FHIT: variants seen among roughly 807,000 people sequenced by gnomAD.
FHIT encodes bis(5'-adenosyl)-triphosphatase.
A neutral mutation model predicts 17.9 loss-of-function variants in FHIT; 19 were observed. That is an observed-to-expected ratio of 1.06 (90% CI 0.74 to 1.56). FHIT has a LOEUF of 1.56. Ranked by LOEUF, FHIT falls within the 40% of genes most tolerant of loss-of-function variation. FHIT has a pLI of 0.00. For synonymous variants in FHIT, 81 were observed against 69.7 expected (o/e 1.16, Z -0.81); for missense variants, 248 against 189.2 (o/e 1.31, Z -1.82).
intron 2 of FHIT, among the ~76,000 whole-genome samples, chr3:61,093,256 A>G (rs2035541267): frequency 1.3e-5 from 2 of 152,324 alleles, no homozygotes; most frequent in South Asian, 4.1e-4. Context: ...AGAGAGAGAG[A>G]GAGAGACTGA....
At chr3:60,365,819 C>T (rs1700084451) in intron 5 of FHIT, among the ~76,000 whole-genome samples, 1 of 152,138 alleles carries the variant, frequency 6.6e-6, no homozygotes, top group Non-Finnish European at 1.5e-5. Context: ...AGTTAGCTCT[C>T]AATTGATTTC....
At chr3:60,386,010 G>A (rs1404343657) in intron 5 of FHIT, among the ~76,000 whole-genome samples, 1 of 152,164 alleles carries the variant, frequency 6.6e-6, no homozygotes, top group Non-Finnish European at 1.5e-5. Flanking sequence ...TGTAGCAGGT[G>A]CTTCTGAGTG....
rs978722696 is a variant in FHIT, at chr3:59,790,005, C to T, written c.349-37684G>A. On this transcript the variant is annotated intron_variant, in intron 8 of 9. Coordinates refer to ENST00000492590, the MANE Select transcript of FHIT (RefSeq NM_002012.4). ...TAAATGCCACTTCATCACAGCAGTG[C>T]CATTTGCAGTTGTAGTCTCATCTCT... Among the ~76,000 whole-genome samples, 6 of 152,186 alleles carry T rather than the reference C, an allele frequency of 3.9e-5. No individual in the cohort carries two copies. The East Asian group carries it at 9.6e-4, about 24-fold the overall frequency.
chr3:60,645,974 C>T lies in FHIT; in HGVS notation c.-17-108995G>A, dbSNP rs575535336. Among the ~76,000 whole-genome samples, 204 of 152,280 alleles carry T rather than the reference C, an allele frequency of 1.3e-3. 1 individual carries two copies. Among genetic ancestry groups the T allele is most frequent in the African/African-American group, 4.6e-3 (192 of 41,544 alleles). On this transcript the variant is annotated intron_variant, in intron 4 of 9. Transcript: ENST00000492590. Reference sequence around the variant, plus strand: ...ATGTGGACTTAAAATAGTCTTCCAACGCATTCCTCACACATGAAATTACTC... The same window carrying T: ...ATGTGGACTTAAAATAGTCTTCCAATGCATTCCTCACACATGAAATTACTC...
intron 5 of FHIT, among the ~76,000 whole-genome samples, chr3:60,270,394 G>T (rs887682081): frequency 1.3e-5 from 2 of 152,088 alleles, no homozygotes; most frequent in Non-Finnish European, 2.9e-5. Context: ...CAGTGACATG[G>T]TTCTACCTTT....
intron 3 of FHIT, among the ~76,000 whole-genome samples, chr3:60,898,810 T>C (rs993495213): frequency 6.6e-6 from 1 of 152,178 alleles, no homozygotes; most frequent in Non-Finnish European, 1.5e-5. Flanking sequence ...ATGCATAGGA[T>C]AGATCCCATA....
chr3:60,957,990 T>C (rs1226601246), intron 3 of FHIT, among the ~76,000 whole-genome samples: 1 of 152,236 alleles, frequency 6.6e-6, no homozygotes, highest in Non-Finnish European at 1.5e-5. Context: ...ATTTTAAAAA[T>C]GCTGAATTTA....
At chr3:61,157,446 C>A (rs1008113425) in intron 2 of FHIT, among the ~76,000 whole-genome samples, 1 of 152,102 alleles carries the variant, frequency 6.6e-6, no homozygotes, top group African/African-American at 2.4e-5. Flanking sequence ...ACCAGGAACA[C>A]CCTGGTAGTC....
At chr3:60,261,254 C>T (rs1706282150) in intron 5 of FHIT, among the ~76,000 whole-genome samples, 1 of 151,960 alleles carries the variant, frequency 6.6e-6, no homozygotes, top group Non-Finnish European at 1.5e-5. Context: ...TCCAAGAACC[C>T]TTTCTTAGGC....
At chr3:59,778,827 C>T (rs1057250902) in intron 8 of FHIT, among the ~76,000 whole-genome samples, 17 of 152,280 alleles carry the variant, frequency 1.1e-4, no homozygotes, top group African/African-American at 2.9e-4. Context: ...TTTTCTAAAG[C>T]GCTTAGAAAA....
At chr3:60,496,019 C>A (rs183228338) in intron 5 of FHIT, among the ~76,000 whole-genome samples, 451 of 152,028 alleles carry the variant, frequency 3.0e-3, no homozygotes, top group Non-Finnish European at 5.7e-3. Context: ...TATCAAGGCA[C>A]ATATGGAAAA....
chr3:60,863,786 G>GTT (rs1192596122), intron 3 of FHIT, among the ~76,000 whole-genome samples: 35 of 152,164 alleles, frequency 2.3e-4, no homozygotes, highest in African/African-American at 8.2e-4. Flanking sequence ...ACATAATAAA[G>GTT]ATATTAACAT....
At chr3:61,063,255 C>CAAAAAAAAA (rs371077056) in intron 2 of FHIT, among the ~76,000 whole-genome samples, 1 of 95,882 alleles carries the variant, frequency 1.0e-5, no homozygotes, top group Non-Finnish European at 2.2e-5. Flanking sequence ...GACTCTGTCT[C>CAAAAAAAAA]AAAAAAAAAA....
intron 3 of FHIT, among the ~76,000 whole-genome samples, chr3:60,949,233 C>G (rs1443275697): frequency 6.6e-6 from 1 of 152,152 alleles, no homozygotes; most frequent in African/African-American, 2.4e-5. Context: ...CCAATGGTGG[C>G]AGGAGGGGAG....
chr3:60,808,502 C>A (rs1701472890), intron 4 of FHIT, among the ~76,000 whole-genome samples: 1 of 152,048 alleles, frequency 6.6e-6, no homozygotes, highest in African/African-American at 2.4e-5. Context: ...ATTTACAGGT[C>A]AAAAGGCAAA....
chr3:60,363,272 C>T (rs749370573), intron 5 of FHIT, among the ~76,000 whole-genome samples: 15 of 152,050 alleles, frequency 9.9e-5, no homozygotes, highest in Admixed American at 2.0e-4. Context: ...CTCCAAGTGA[C>T]GTGTGTGTGT....
chr3:61,202,841 C>A (rs779450432), intron 1 of FHIT, among the ~76,000 whole-genome samples: 2 of 152,056 alleles, frequency 1.3e-5, no homozygotes, highest in Non-Finnish European at 2.9e-5. Context: ...AACCTGAAGT[C>A]AGGAGTTTGA....
intron 5 of FHIT, among the ~76,000 whole-genome samples, chr3:60,253,113 G>C (rs986556854): frequency 6.6e-6 from 1 of 152,126 alleles, no homozygotes; most frequent in African/African-American, 2.4e-5. Flanking sequence ...GAACACTGAA[G>C]TATTCATTGC....
intron 8 of FHIT, among the ~76,000 whole-genome samples, chr3:59,919,571 T>C (rs1705304394): frequency 6.6e-6 from 1 of 152,202 alleles, no homozygotes; most frequent in South Asian, 2.1e-4. Context: ...AACCTTCTTA[T>C]TTGTCACTAA....
Sources: gnomAD v4.1 joint callset for allele counts (sites outside exome capture counted in the v4.1 genomes callset) on GRCh38, gnomAD v4.1.1 for gene constraint, MANE v1.5 for transcripts, NCBI Gene and HGNC (gene_info 2026-07-23, HGNC 2026-07-21) for gene names.